MTDH: variants seen among roughly 807,000 people sequenced by gnomAD.
MTDH encodes protein LYRIC.
In MTDH, 34 loss-of-function variants were observed where a neutral mutation model predicts 72.7. That is an observed-to-expected ratio of 0.47 (90% CI 0.36 to 0.62). The LOEUF is 0.62. MTDH is among the 20% of genes least tolerant of loss of function. MTDH has a pLI of 0.00. For missense variants in MTDH, 677 were observed against 699.4 expected (o/e 0.97, Z 0.36); for synonymous variants, 266 against 268.9 (o/e 0.99, Z 0.10).
At chr8:97,681,693 A>G (rs1035457558) in intron 2 of MTDH, among the ~76,000 whole-genome samples, 5 of 151,630 alleles carry the variant, frequency 3.3e-5, no homozygotes, top group Non-Finnish European at 7.4e-5. Context: ...AGGTTTTGTT[A>G]TGTTGGCCAG....
intron 11 of MTDH, among the ~76,000 whole-genome samples, chr8:97,723,757 A>G: frequency 6.6e-6 from 1 of 151,608 alleles, no homozygotes; most frequent in East Asian, 1.9e-4. Flanking sequence ...AAAAAAGAGA[A>G]AATGCTAAAT....
rs531457018 is a variant in MTDH at position 97,667,403 on chromosome 8, G to A, written c.483+6230G>A. ...ATTAAATCTCAGTTCTTAAACACAT[G>A]CTTTTTAATCTGTGTGATGAAATGG... On this transcript the variant is annotated intron_variant, in intron 2 of 11. Coordinates refer to ENST00000336273, the MANE Select transcript of MTDH (RefSeq NM_178812.4). Among the ~76,000 whole-genome samples, 3 of 152,286 alleles carry A rather than the reference G, an allele frequency of 2.0e-5. No homozygotes were observed. The East Asian group carries it at 5.8e-4, about 29-fold the overall frequency.
rs181534980 is a variant in MTDH, at chr8:97,673,597, T to A, written c.483+12424T>A. ...ATCATTTGAACCCAGGAGGTGGAGG[T>A]TGCAGTGAGCTGAGATCGCGCTGTT... is the stretch of plus-strand genomic sequence containing the variant. On this transcript the variant is annotated intron_variant, in intron 2 of 11. Coordinates refer to ENST00000336273, the MANE Select transcript of MTDH (RefSeq NM_178812.4). Among the ~76,000 whole-genome samples the A allele has an allele frequency of 2.5e-3, 373 of 149,956 alleles. 15 individuals are homozygous for A. The East Asian group carries it at 0.064, about 26-fold the overall frequency.
chr8:97,705,071 G>A (rs1030146524), intron 7 of MTDH, among the ~76,000 whole-genome samples: 1 of 152,218 alleles, frequency 6.6e-6, no homozygotes, highest in African/African-American at 2.4e-5. Context: ...GGCTGAGGCA[G>A]GTGGATCAAG....
At chr8:97,716,465 G>A (rs1303508665) in intron 9 of MTDH, among the ~76,000 whole-genome samples, 1 of 151,894 alleles carries the variant, frequency 6.6e-6, no homozygotes, top group African/African-American at 2.4e-5. Flanking sequence ...CGAGGCGGGT[G>A]GATCACAAGG....
chr8:97,670,876 C>T (rs1406461435), intron 2 of MTDH, among the ~76,000 whole-genome samples: 1 of 151,984 alleles, frequency 6.6e-6, no homozygotes, highest in African/African-American at 2.4e-5. Flanking sequence ...CCTGCCTCAG[C>T]CCCCCGAGTA....
intron 1 of MTDH, among the ~76,000 whole-genome samples, chr8:97,647,091 A>G (rs1338190718): frequency 2.0e-5 from 3 of 152,174 alleles, no homozygotes; most frequent in East Asian, 1.9e-4. Flanking sequence ...TACTCATTAG[A>G]TACCTTTAAC....
chr8:97,694,408 G>C (rs1813742142), intron 6 of MTDH, among the ~76,000 whole-genome samples: 2 of 151,978 alleles, frequency 1.3e-5, no homozygotes, highest in African/African-American at 4.8e-5. Flanking sequence ...TGTTGGTCAG[G>C]CTGGTCTCGA....
At chr8:97,697,724 C>CT (rs1291390149) in intron 6 of MTDH, among the ~76,000 whole-genome samples, 2 of 152,014 alleles carry the variant, frequency 1.3e-5, no homozygotes, top group African/African-American at 2.4e-5. Flanking sequence ...AAGAACTATT[C>CT]TTGGCTCATG....
At chr8:97,699,102 A>T (rs1413603844) in intron 6 of MTDH, among the ~76,000 whole-genome samples, 1 of 152,190 alleles carries the variant, frequency 6.6e-6, no homozygotes, top group African/African-American at 2.4e-5. Context: ...CCTGGGCAAC[A>T]TGGTGTAAAA....
At chr8:97,707,152 CTT>C (rs575001649) in intron 8 of MTDH, among the ~76,000 whole-genome samples, 10 of 131,150 alleles carry the variant, frequency 7.6e-5, no homozygotes, top group Non-Finnish European at 1.2e-4. Flanking sequence ...GTCTTTTTTT[CTT>C]TTTTTTTTTT....
Position 97,644,685 on chromosome 8 carries a change from GGCT to G in MTDH, c.190_192del (p.Leu64del). On this transcript the variant is annotated inframe_deletion, in exon 1 of 12. Coordinates refer to ENST00000336273, the MANE Select transcript of MTDH (RefSeq NM_178812.4). ...ATCCTGGTGGGCACTGGCGCGCTCGGGCTGCTGCTGCTGTTTCTGCTGGGCTAC... is the reference window on the plus strand; with the variant it reads ...ATCCTGGTGGGCACTGGCGCGCTCGGGCTGCTGCTGTTTCTGCTGGGCTAC... 4.4e-6 allele frequency: 7 copies of G among 1,604,282 alleles called. No homozygotes were observed. Among genetic ancestry groups the G allele is most frequent in the Admixed American group, 3.4e-5 (2 of 59,500 alleles).
In MTDH at chr8:97,674,691, A is replaced by G. The variant is rs555901394; in HGVS notation, c.484-11977A>G. 5.3e-5 allele frequency among the ~76,000 whole-genome samples: 8 copies of G among 152,370 alleles called. 1 individual carries two copies. The highest frequency in any genetic ancestry group is 1.9e-4 in the African/African-American group (8 of 41,594). The stretch of plus-strand genomic sequence containing the variant: ...ACAAAAATGAAAATGTTGACACAAT[A>G]GAAGTAGAAAAAACAAAAATCTCAG... On this transcript the variant is annotated intron_variant, in intron 2 of 11. Transcript: ENST00000336273.
At chr8:97,677,055 T>C (rs1321507711) in intron 2 of MTDH, among the ~76,000 whole-genome samples, 1 of 136,632 alleles carries the variant, frequency 7.3e-6, no homozygotes, top group East Asian at 2.1e-4. Context: ...TGATGACGCA[T>C]GCCTATAGTC....
At chr8:97,717,634 C>A (rs965156964) in intron 9 of MTDH, among the ~76,000 whole-genome samples, 45 of 127,474 alleles carry the variant, frequency 3.5e-4, no homozygotes, top group South Asian at 3.0e-3. Flanking sequence ...CCCCCCCCCC[C>A]AAAAATGGAA....
chr8:97,711,251 A>T (rs1310910539), intron 8 of MTDH, among the ~76,000 whole-genome samples: 1 of 151,708 alleles, frequency 6.6e-6, no homozygotes, highest in East Asian at 1.9e-4. Context: ...TAATCCCAGC[A>T]CTTTGGGAGA....
At chr8:97,685,853 T>C (rs12334456) in intron 2 of MTDH, among the ~76,000 whole-genome samples, 7,032 of 152,244 alleles carry the variant, frequency 0.046, 533 homozygotes, top group African/African-American at 0.16. Flanking sequence ...AAATACTATT[T>C]TATAAACGTT....
intron 8 of MTDH, among the ~76,000 whole-genome samples, chr8:97,708,699 A>G (rs1323164692): frequency 7.7e-6 from 1 of 129,222 alleles, no homozygotes; most frequent in African/African-American, 3.1e-5. Flanking sequence ...TCCCAGGTTC[A>G]AGTGATTCTC....
intron 1 of MTDH, among the ~76,000 whole-genome samples, chr8:97,648,545 G>A (rs1811649154): frequency 6.6e-6 from 1 of 150,938 alleles, no homozygotes; most frequent in South Asian, 2.1e-4. Flanking sequence ...CTGGAGTGCA[G>A]TGGCGGTTAT....
Sources: allele counts gnomAD v4.1 joint callset (sites outside exome capture counted in the v4.1 genomes callset), GRCh38; gene constraint gnomAD v4.1.1; transcripts MANE v1.5; gene names NCBI Gene and HGNC (gene_info 2026-07-23, HGNC 2026-07-21).